The following DEDD variants were observed in gnomAD, a reference collection of about 807,000 sequenced individuals.
The protein encoded by DEDD is death effector domain-containing protein.
DEDD carries 3 observed loss-of-function variants against 29.2 expected under a neutral mutation model. That is an observed-to-expected ratio of 0.10 (90% CI 0.05 to 0.27). DEDD has a LOEUF of 0.27. Among genes scored for constraint, DEDD ranks in the 10% least tolerant of loss-of-function variants. The probability of loss-of-function intolerance (pLI) is 1.00; values close to 1 mark genes in which losing one functional copy is unlikely to be tolerated. For synonymous variants in DEDD, 152 were observed against 161.3 expected (o/e 0.94, Z 0.44); for missense variants, 261 against 420.5 (o/e 0.62, Z 3.32).
Position 161,121,905 on chromosome 1 carries a change from AG to A in DEDD, c.*241del. On this transcript the variant is annotated 3_prime_UTR_variant, in exon 6 of 6. Coordinates refer to ENST00000368006, the MANE Select transcript of DEDD (RefSeq NM_032998.3). ...ACATTTGTCTTACGGCTCAGTGGTAAGGTAGCTGTAGAGACACATTACGGGG... is the reference window on the plus strand; with the variant it reads ...ACATTTGTCTTACGGCTCAGTGGTAAGTAGCTGTAGAGACACATTACGGGG... 3 of 495,982 alleles carry A rather than the reference AG, an allele frequency of 6.0e-6. No individual in the cohort carries two copies. In the South Asian group the frequency reaches 8.6e-5, roughly 14 times the overall value. 30.7% of individuals were successfully genotyped at this position (495,982 alleles called of 1,614,324 possible). A position where few individuals can be genotyped will look rare whatever the true frequency, so the allele number is the denominator to read the frequency against.
intron 2 of DEDD, among the ~76,000 whole-genome samples, chr1:161,129,718 T>C (rs972114757): frequency 6.6e-6 from 1 of 152,118 alleles, no homozygotes; most frequent in African/African-American, 2.4e-5. Context: ...GTGAGGAGAA[T>C]GTAACCCTCT....
intron 2 of DEDD, among the ~76,000 whole-genome samples, chr1:161,126,343 CTTTTT>C (rs538174697): frequency 2.3e-5 from 3 of 132,500 alleles, no homozygotes; most frequent in African/African-American, 2.9e-5. Context: ...ACTCCAAACT[CTTTTT>C]TTTTTTTTTT....
Position 161,122,027 on chromosome 1 carries a change from A to T in DEDD, c.*120T>A. ...CACTTTCTTTTGTCTTTTTCTTTAAAAAAAAAAAAAAAAAGGCAGGGGTGT... is the reference window on the plus strand; with the variant it reads ...CACTTTCTTTTGTCTTTTTCTTTAATAAAAAAAAAAAAAAGGCAGGGGTGT... On this transcript the variant is annotated 3_prime_UTR_variant, in exon 6 of 6. Transcript: ENST00000368006. This position sits in a 1 kb window ranked among gnomAD's most constrained non-coding sequence, Gnocchi z 4.2. The T allele has an allele frequency of 8.3e-7, 1 of 1,210,940 alleles. No individual in the cohort carries two copies. The highest frequency in any genetic ancestry group is 2.5e-5 in the Admixed American group (1 of 39,422). The allele number at this position is 1,210,940 out of a possible 1,614,324, so 75.0% of individuals were successfully genotyped here.
At chr1:161,127,889 C>T (rs1451272976) in intron 2 of DEDD, among the ~76,000 whole-genome samples, 2 of 152,122 alleles carry the variant, frequency 1.3e-5, no homozygotes, top group African/African-American at 4.8e-5. Context: ...CACATTAAAC[C>T]AACCAGAAGA....
intron 2 of DEDD, among the ~76,000 whole-genome samples, chr1:161,128,093 A>G (rs961151447): frequency 6.6e-6 from 1 of 152,228 alleles, no homozygotes; most frequent in Non-Finnish European, 1.5e-5. Context: ...TTGAGAGGAA[A>G]CAAACACACT....
rs1421738658 is a variant in DEDD, at chr1:161,123,823, G to A, written c.433+16C>T. The A allele has an allele frequency of 6.2e-7, 1 of 1,600,810 alleles. No homozygotes were observed. The highest frequency in any genetic ancestry group is 2.2e-5 in the East Asian group (1 of 44,818). ...TACTTGATGATGGAAAGCAGGGGGA[G>A]TTAATGTCTTCTCACCTGTTTTAGA... On this transcript the variant is annotated intron_variant, in intron 4 of 5. Coordinates refer to ENST00000368006, the MANE Select transcript of DEDD (RefSeq NM_032998.3).
intron 4 of DEDD, 86 bp downstream of exon 4, chr1:161,123,753 A>C: frequency 8.0e-7 from 1 of 1,243,862 alleles, no homozygotes; most frequent in Admixed American, 2.2e-5. Context: ...GCATCCTTTC[A>C]TTTAAGCTGG....
chr1:161,122,542 A>G lies in DEDD; in HGVS notation c.581-19T>C, dbSNP rs1032636023. ...CTGATGTCTGTTGGAAACAGAAGAT[A>G]CAGAGCAGAAGAGGTTACAGTAAGG... On this transcript the variant is annotated intron_variant, in intron 5 of 5. Transcript: ENST00000368006. This position sits in a 1 kb window ranked among gnomAD's most constrained non-coding sequence, Gnocchi z 4.2. The G allele has an allele frequency of 3.1e-6, 5 of 1,609,980 alleles. No individual in the cohort carries two copies. Among genetic ancestry groups the G allele is most frequent in the Non-Finnish European group, 4.2e-6 (5 of 1,176,978 alleles).
At position 161,121,155 on chromosome 1, in the gene DEDD, T is replaced by A; in HGVS notation, c.*992A>T. 1 of 1,058,674 alleles carries A rather than the reference T, an allele frequency of 9.4e-7. No homozygotes were observed. Among genetic ancestry groups the A allele is most frequent in the Non-Finnish European group, 1.1e-6 (1 of 873,234 alleles). The allele number at this position is 1,058,674 out of a possible 1,614,324, so 65.6% of individuals were successfully genotyped here. On this transcript the variant is annotated 3_prime_UTR_variant, in exon 6 of 6. Transcript: ENST00000368006. ...CTCCAGTTCTAGACCTCCTGGCTCATTCAACATGCCTCCCTACCTAAATAA... is the reference window on the plus strand; with the variant it reads ...CTCCAGTTCTAGACCTCCTGGCTCAATCAACATGCCTCCCTACCTAAATAA...
chr1:161,123,920 G>T lies in DEDD; in HGVS notation c.352C>A (p.Leu118Met). Residue 118 changes from leucine (L) to methionine (M), a missense_variant, in exon 4 of 6, where the codon CTG (leucine) becomes ATG (methionine). Leu to Met is a conservative substitution (Grantham distance 15). Around this residue, in one of 2 missense-constraint regions of DEDD, gnomAD observed 203 missense variants for 268.7 expected, o/e 0.76. Coordinates refer to ENST00000368006, the MANE Select transcript of DEDD (RefSeq NM_032998.3). Reference sequence around the variant, plus strand: ...ACATAGCGAATTGATGTCTCCTCCAGATACTTGTCTACAAGATCAGGGCAC... The same window carrying T: ...ACATAGCGAATTGATGTCTCCTCCATATACTTGTCTACAAGATCAGGGCAC... Reference protein sequence around the residue: ...AVCPDLVDKYLEETSIRYVTP... With the variant: ...AVCPDLVDKYMEETSIRYVTP... 6.2e-7 allele frequency: 1 copy of T among 1,614,138 alleles called. No individual in the cohort carries two copies. Among genetic ancestry groups the T allele is most frequent in the Non-Finnish European group, 8.5e-7 (1 of 1,180,020 alleles).
intron 2 of DEDD, chr1:161,125,368 AATG>A (rs1415334648): frequency 6.6e-6 from 1 of 152,188 alleles, no homozygotes; most frequent in Non-Finnish European, 1.5e-5. Context: ...CACATCAAGA[AATG>A]ATAACTGCTC....
In DEDD at chr1:161,121,987, G is replaced by T. The variant is rs972484755; in HGVS notation, c.*160C>A. On this transcript the variant is annotated 3_prime_UTR_variant, in exon 6 of 6. Transcript: ENST00000368006. ...CAGGCACATGGGTGCAGGGAGGGGT[G>T]GGGAATACCACTTCCACTTTCTTTT... 3.2e-6 allele frequency: 3 copies of T among 929,926 alleles called. No individual in the cohort carries two copies. The highest frequency in any genetic ancestry group is 4.8e-6 in the Non-Finnish European group (3 of 628,088). 57.6% of individuals were successfully genotyped at this position (929,926 alleles called of 1,614,324 possible).
At position 161,124,439 on chromosome 1, in the gene DEDD, T is replaced by C; in HGVS notation, c.24A>G (p.Ala8=). 1 of 1,604,354 alleles carries C rather than the reference T, an allele frequency of 6.2e-7. No individual in the cohort carries two copies. The highest frequency in any genetic ancestry group is 1.1e-5 in the South Asian group (1 of 90,836). Residue 8 remains alanine (A), a synonymous_variant, in exon 3 of 6, where the codon GCA becomes GCG. Transcript: ENST00000368006. MAGLKRR[A]SQVWPEEHGE... ...CATGCTCTTCTGGCCACACCTGGCT[T>C]GCCCGCCGCTTTAGGCCCGCCATGC...
chr1:161,129,473 T>G (rs570343488), intron 2 of DEDD, among the ~76,000 whole-genome samples: 33 of 150,168 alleles, frequency 2.2e-4, no homozygotes, highest in African/African-American at 7.4e-4. Flanking sequence ...GGGACATACC[T>G]GTGGTCCCAG....
chr1:161,124,108 C>T, intron 3 of DEDD, 30 bp downstream of exon 3: 1 of 1,596,026 alleles, frequency 6.3e-7, no homozygotes, highest in Non-Finnish European at 8.6e-7. Flanking sequence ...CACAACTCTT[C>T]CCTGATTCCA....
intron 2 of DEDD, among the ~76,000 whole-genome samples, chr1:161,127,346 G>T (rs992673493): frequency 6.6e-6 from 1 of 152,178 alleles, no homozygotes; most frequent in Non-Finnish European, 1.5e-5. Flanking sequence ...CAATTAAACA[G>T]GTTGCTCTGT....
rs1189939415 is a variant in DEDD, at chr1:161,124,053, T to C, written c.325+85A>G. The C allele has an allele frequency of 3.8e-6, 6 of 1,577,774 alleles. No homozygotes were observed. In the African/African-American group the frequency reaches 4.0e-5, roughly 11 times the overall value. ...TACTCTAAGTACTCCCCAGGATCAA[T>C]GTGTCCTCCCCTTTGGACGCCTATG... On this transcript the variant is annotated intron_variant, in intron 3 of 5. Transcript: ENST00000368006.
At chr1:161,128,177 G>A (rs1203559677) in intron 2 of DEDD, among the ~76,000 whole-genome samples, 5 of 152,166 alleles carry the variant, frequency 3.3e-5, no homozygotes, top group Non-Finnish European at 7.3e-5. Flanking sequence ...TAGGTCAGTG[G>A]TTCTGAACCA....
At chr1:161,123,426 T>C (rs190909034) in intron 4 of DEDD, among the ~76,000 whole-genome samples, 2 of 152,076 alleles carry the variant, frequency 1.3e-5, no homozygotes, top group African/African-American at 2.4e-5. Flanking sequence ...GATCATGAGG[T>C]CAGGAGATCG....
Sources: gnomAD v4.1 joint callset for allele counts (sites outside exome capture counted in the v4.1 genomes callset) on GRCh38, gnomAD v4.1.1 for gene constraint, gnomAD v4.1.1 regional missense constraint, Gnocchi (gnomAD v3.1) non-coding constraint, MANE v1.5 for transcripts, NCBI Gene and HGNC (gene_info 2026-07-23, HGNC 2026-07-21) for gene names.